TRIL: variants seen among roughly 807,000 people sequenced by gnomAD.
The protein encoded by TRIL is TLR4 interactor with leucine rich repeats.
A neutral mutation model predicts 43.0 loss-of-function variants in TRIL; 23 were observed. That is an observed-to-expected ratio of 0.54 (90% CI 0.39 to 0.76). TRIL has a LOEUF of 0.76. Among genes scored for constraint, TRIL ranks in the 30% least tolerant of loss-of-function variants. The probability of loss-of-function intolerance (pLI) is 0.00; values close to 1 mark genes in which losing one functional copy is unlikely to be tolerated. For missense variants in TRIL, 1,114 were observed against 1,139.3 expected, an observed-to-expected ratio of 0.98 and a Z score of 0.32; for synonymous variants, 602 against 556.8, an observed-to-expected ratio of 1.08 and a Z score of -1.14.
Position 28,956,904 on chromosome 7 carries a change from G to A in TRIL, c.1143C>T (p.Gly381=). Reference sequence around the variant, plus strand: ...ACTGCACGAAGACAGTGAGGAGCCGGCCCTGCGAGTGCCAGTCGCCCATCC... The same window carrying A: ...ACTGCACGAAGACAGTGAGGAGCCGACCCTGCGAGTGCCAGTCGCCCATCC... ...KRWMGDWHSQ[G]RLLTVFVQCR... is the part of the protein sequence containing the mutation. Residue 381 remains glycine (G), a synonymous_variant, in exon 1 of 1, where the codon GGC becomes GGT. Transcript: ENST00000539664. 2 of 1,607,888 alleles carry A rather than the reference G, an allele frequency of 1.2e-6. No homozygotes were observed. The highest frequency in any genetic ancestry group is 1.7e-6 in the Non-Finnish European group (2 of 1,177,766).
At position 28,955,451 on chromosome 7, in the gene TRIL, C is replaced by T; in HGVS notation, c.*160G>A. 1 of 1,087,652 alleles carries T rather than the reference C, an allele frequency of 9.2e-7. No individual in the cohort carries two copies. The allele number at this position is 1,087,652 out of a possible 1,614,324, so 67.4% of individuals were successfully genotyped here. A position where few individuals can be genotyped will look rare whatever the true frequency, so the allele number is the denominator to read the frequency against. The stretch of plus-strand genomic sequence containing the variant: ...CACCAAGTACCATCCATTTACTTCT[C>T]GAGTATTGGGAATTGGGGGATGGTG... On this transcript the variant is annotated 3_prime_UTR_variant, in exon 1 of 1. Coordinates refer to ENST00000539664, the MANE Select transcript of TRIL (RefSeq NM_014817.4).
At position 28,956,245 on chromosome 7, in the gene TRIL, G is replaced by C. The variant is rs774043822; in HGVS notation, c.1802C>G (p.Ser601Trp). 2.3e-5 allele frequency: 35 copies of C among 1,549,040 alleles called. No individual in the cohort carries two copies. The highest frequency in any genetic ancestry group is 2.8e-5 in the Non-Finnish European group (32 of 1,149,920). ...GTGCTCGCGCACGGCCCAGCGCACC[G>C]AGGCGCTGTCTGCGCCCACCGCCTC... ...TVEAVGADSASVRWAVREHRS... is the reference protein window; with the variant it reads ...TVEAVGADSAWVRWAVREHRS... Residue 601 changes from serine (S) to tryptophan (W), a missense_variant, in exon 1 of 1, where the codon TCG (serine) becomes TGG (tryptophan). Ser to Trp is a radical substitution (Grantham distance 177). Coordinates refer to ENST00000539664, the MANE Select transcript of TRIL (RefSeq NM_014817.4).
rs1203907560 is a variant in TRIL at position 28,957,344 on chromosome 7, T to TGAGG, written c.699_702dup (p.Ile235ProfsTer38). The TGAGG allele has an allele frequency of 6.2e-7, 1 of 1,612,292 alleles. No homozygotes were observed. Among genetic ancestry groups the TGAGG allele is most frequent in the East Asian group, 2.2e-5 (1 of 44,848 alleles). ...TGCTGCAGGTTGTTGGCCGAGAGGA[T>TGAGG]GAGGGAGGAGAGGGAGCGCAGCGGT... On this transcript the variant is annotated frameshift_variant, in exon 1 of 1. Transcript: ENST00000539664. LOFTEE classifies it high-confidence loss of function.
At position 28,955,657 on chromosome 7, in the gene TRIL, C is replaced by T; in HGVS notation, c.2390G>A (p.Gly797Asp). ...GAGACGGTCCTCCCGTCTCAGGCTG[C>T]CGCCCGCGCCGCCGCCCGCACTGTC... Reference protein sequence around the residue: ...FMDSAGGGAGGSLRREDRLLQ... With the variant: ...FMDSAGGGAGDSLRREDRLLQ... Residue 797 changes from glycine (G) to aspartate (D), a missense_variant, in exon 1 of 1, where the codon GGC (glycine) becomes GAC (aspartate). Gly to Asp is a moderately conservative substitution (Grantham distance 94). Coordinates refer to ENST00000539664, the MANE Select transcript of TRIL (RefSeq NM_014817.4). 1 of 1,546,864 alleles carries T rather than the reference C, an allele frequency of 6.5e-7. No individual in the cohort carries two copies. The highest frequency in any genetic ancestry group is 1.4e-5 in the African/African-American group (1 of 73,156).
chr7:28,956,773 G>C lies in TRIL; in HGVS notation c.1274C>G (p.Ala425Gly), dbSNP rs758361189. 1.2e-6 allele frequency: 2 copies of C among 1,609,510 alleles called. No individual in the cohort carries two copies. The highest frequency in any genetic ancestry group is 3.3e-5 in the Admixed American group (2 of 59,988). ...ADPSPSASLT[A>G]DRRRQPLPTA... The stretch of plus-strand genomic sequence containing the variant: ...GGGTAGGGGCTGCCGCCTGCGGTCA[G>C]CGGTCAGGGAAGCTGAGGGCGAGGG... Residue 425 changes from alanine to glycine, a missense_variant, in exon 1 of 1, where the codon GCT becomes GGT. By Grantham distance (60) the Ala-to-Gly change is moderately conservative. Coordinates refer to ENST00000539664, the MANE Select transcript of TRIL (RefSeq NM_014817.4).
In TRIL at chr7:28,956,167, A is replaced by C. The variant is rs762488202; in HGVS notation, c.1880T>G (p.Phe627Cys). The C allele has an allele frequency of 3.2e-6, 5 of 1,575,082 alleles. No individual in the cohort carries two copies. The highest frequency in any genetic ancestry group is 4.3e-6 in the Non-Finnish European group (5 of 1,161,768). The change falls in exon 1 of 1, where the codon TTT becomes TGT. Residue 627 changes from phenylalanine to cysteine, a missense_variant. Coordinates refer to ENST00000539664, the MANE Select transcript of TRIL (RefSeq NM_014817.4). ...GARFRLLFDRFGQQPKFHRFV... is the reference protein window; with the variant it reads ...GARFRLLFDRCGQQPKFHRFV... ...GCGGTGGAACTTGGGCTGCTGGCCA[A>C]AGCGGTCAAAGAGCAGGCGGAAGCG...
In TRIL at chr7:28,957,661, G is replaced by C; in HGVS notation, c.386C>G (p.Pro129Arg). ...LQALAPGTLA[P>R]LRKLRILYAN... The stretch of plus-strand genomic sequence containing the variant: ...GTAGAGGATGCGCAGCTTGCGCAGC[G>C]GGGCCAGCGTGCCCGGGGCGAGCGC... Residue 129 changes from proline (P) to arginine (R), a missense_variant, in exon 1 of 1, where the codon CCG (proline) becomes CGG (arginine). Physicochemically the swap from Pro to Arg is moderately radical, Grantham distance 103. Coordinates refer to ENST00000539664, the MANE Select transcript of TRIL (RefSeq NM_014817.4). 1 of 1,609,516 alleles carries C rather than the reference G, an allele frequency of 6.2e-7. No homozygotes were observed. The highest frequency in any genetic ancestry group is 8.5e-7 in the Non-Finnish European group (1 of 1,178,140).
At position 28,956,771 on chromosome 7, in the gene TRIL, C is replaced by T. The variant is rs1291714367; in HGVS notation, c.1276G>A (p.Asp426Asn). 9 of 1,609,096 alleles carry T rather than the reference C, an allele frequency of 5.6e-6. No individual in the cohort carries two copies. The highest frequency in any genetic ancestry group is 7.6e-6 in the Non-Finnish European group (9 of 1,179,360). ...DPSPSASLTA[D>N]RRRQPLPTAA... ...GTGGGTAGGGGCTGCCGCCTGCGGT[C>T]AGCGGTCAGGGAAGCTGAGGGCGAG... is the stretch of plus-strand genomic sequence containing the variant. Residue 426 changes from aspartate (D) to asparagine (N), a missense_variant, in exon 1 of 1, where the codon GAC becomes AAC. Physicochemically the swap from Asp to Asn is conservative, Grantham distance 23 (BLOSUM62 1). Coordinates refer to ENST00000539664, the MANE Select transcript of TRIL (RefSeq NM_014817.4).
At position 28,955,124 on chromosome 7, in the gene TRIL, C is replaced by A. The variant is rs1171911779; in HGVS notation, c.*487G>T. Reference sequence around the variant, plus strand: ...GTTAAACTTTACCACCTGTTTACATCCCCCTTCTTGGCAGAGATCACCAAA... The same window carrying A: ...GTTAAACTTTACCACCTGTTTACATACCCCTTCTTGGCAGAGATCACCAAA... On this transcript the variant is annotated 3_prime_UTR_variant, in exon 1 of 1. Coordinates refer to ENST00000539664, the MANE Select transcript of TRIL (RefSeq NM_014817.4). The A allele has an allele frequency of 6.4e-6, 1 of 157,362 alleles. No individual in the cohort carries two copies. Among genetic ancestry groups the A allele is most frequent in the African/African-American group, 2.4e-5 (1 of 41,702 alleles). The allele number at this position is 157,362 out of a possible 1,614,324, so 9.7% of individuals were successfully genotyped here.
Position 28,956,040 on chromosome 7 carries a change from G to A in TRIL, c.2007C>T (p.Val669=), listed in dbSNP as rs756525321. The A allele has an allele frequency of 6.5e-7, 1 of 1,550,092 alleles. No homozygotes were observed. The highest frequency in any genetic ancestry group is 1.2e-5 in the South Asian group (1 of 84,584). The change falls in exon 1 of 1, where the codon GTC becomes GTT. Residue 669 remains valine, a synonymous_variant. Transcript: ENST00000539664. ...AGTGGTCCCGGGGAGCCACAGGGCAGACACGGCCCCCAAGCACGCCCTCCA... is the reference window on the plus strand; with the variant it reads ...AGTGGTCCCGGGGAGCCACAGGGCAAACACGGCCCCCAAGCACGCCCTCCA... ...VCVEGVLGGR[V]CPVAPRDHCA...
At position 28,955,885 on chromosome 7, in the gene TRIL, C is replaced by G. The variant is rs1380528605; in HGVS notation, c.2162G>C (p.Trp721Ser). ...CCTAGCCCGCAGTTTCCTACGCAGCCAGCGAGACGCCCAGGCCGCCAAGGC... is the reference window on the plus strand; with the variant it reads ...CCTAGCCCGCAGTTTCCTACGCAGCGAGCGAGACGCCCAGGCCGCCAAGGC... ...LLALAAWASR[W>S]LRRKLRARRK... Residue 721 changes from tryptophan (W) to serine (S), a missense_variant, in exon 1 of 1, where the codon TGG becomes TCG. Trp to Ser is a radical substitution (Grantham distance 177). Coordinates refer to ENST00000539664, the MANE Select transcript of TRIL (RefSeq NM_014817.4). 4 of 1,550,258 alleles carry G rather than the reference C, an allele frequency of 2.6e-6. No individual in the cohort carries two copies.
In TRIL at chr7:28,957,676, G is replaced by C. The variant is rs370448409; in HGVS notation, c.371C>G (p.Pro124Arg). The change falls in exon 1 of 1, where the codon CCG (proline) becomes CGG (arginine). Residue 124 changes from proline (P) to arginine (R), a missense_variant. Transcript: ENST00000539664. The part of the protein sequence containing the change: ...LGNNLLQALA[P>R]GTLAPLRKLR... ...CTTGCGCAGCGGGGCCAGCGTGCCC[G>C]GGGCGAGCGCCTGCAAGAGGTTGTT... The C allele has an allele frequency of 1.9e-5, 31 of 1,608,378 alleles. No homozygotes were observed. Among genetic ancestry groups the C allele is most frequent in the Non-Finnish European group, 2.4e-5 (28 of 1,177,682 alleles).
At position 28,956,863 on chromosome 7, in the gene TRIL, G is replaced by C; in HGVS notation, c.1184C>G (p.Ala395Gly). ...GTAATCCAGGTATTTGCCTCGCAGG[G>C]CCGGGGGGTGGCGACACTGCACGAA... is the stretch of plus-strand genomic sequence containing the variant. ...TVFVQCRHPP[A>G]LRGKYLDYLD... Residue 395 changes from alanine to glycine, a missense_variant, in exon 1 of 1, where the codon GCC becomes GGC. Transcript: ENST00000539664. The C allele has an allele frequency of 6.2e-7, 1 of 1,607,888 alleles. No homozygotes were observed. The highest frequency in any genetic ancestry group is 8.5e-7 in the Non-Finnish European group (1 of 1,176,168).
rs1783380458 is a variant in TRIL at position 28,955,323 on chromosome 7, T to G, written c.*288A>C. 1 of 428,128 alleles carries G rather than the reference T, an allele frequency of 2.3e-6. No individual in the cohort carries two copies. The highest frequency in any genetic ancestry group is 7.5e-5 in the South Asian group (1 of 13,298). 26.5% of individuals were successfully genotyped at this position (428,128 alleles called of 1,614,324 possible). A position where few individuals can be genotyped will look rare whatever the true frequency, so the allele number is the denominator to read the frequency against. ...TACCCCCAAAGCCTGGCTTCTGCAT[T>G]GCAGTGCTACAAAAGCCATTCGCAT... On this transcript the variant is annotated 3_prime_UTR_variant, in exon 1 of 1. Coordinates refer to ENST00000539664, the MANE Select transcript of TRIL (RefSeq NM_014817.4).
Position 28,956,379 on chromosome 7 carries a change from G to A in TRIL, c.1668C>T (p.Gly556=). Reference sequence around the variant, plus strand: ...GGGCGGCACGCTCCTGGTGCTCCGTGCCCAGACGATGCTTCGTCGCGCGCT... The same window carrying A: ...GGGCGGCACGCTCCTGGTGCTCCGTACCCAGACGATGCTTCGTCGCGCGCT... The part of the protein sequence containing the change: ...PWQRATKHRL[G]TEHQERAAQS... The change falls in exon 1 of 1, where the codon GGC becomes GGT. Residue 556 remains glycine, a synonymous_variant. Coordinates refer to ENST00000539664, the MANE Select transcript of TRIL (RefSeq NM_014817.4). The A allele has an allele frequency of 2.0e-6, 3 of 1,534,864 alleles. No homozygotes were observed. Among genetic ancestry groups the A allele is most frequent in the Non-Finnish European group, 2.6e-6 (3 of 1,146,560 alleles).
At position 28,956,046 on chromosome 7, in the gene TRIL, G is replaced by A. The variant is rs1247452583; in HGVS notation, c.2001C>T (p.Gly667=). 2.6e-6 allele frequency: 4 copies of A among 1,550,090 alleles called. No individual in the cohort carries two copies. Among genetic ancestry groups the A allele is most frequent in the South Asian group, 1.2e-5 (1 of 84,578 alleles). The change falls in exon 1 of 1, where the codon GGC becomes GGT. Residue 667 remains glycine (G), a synonymous_variant. Coordinates refer to ENST00000539664, the MANE Select transcript of TRIL (RefSeq NM_014817.4). The part of the protein sequence containing the change: ...YLVCVEGVLG[G]RVCPVAPRDH... The stretch of plus-strand genomic sequence containing the variant: ...CCCGGGGAGCCACAGGGCAGACACG[G>A]CCCCCAAGCACGCCCTCCACGCACA...
Position 28,955,895 on chromosome 7 carries a change from C to T in TRIL, c.2152G>A (p.Ala718Thr). 1 of 1,551,030 alleles carries T rather than the reference C, an allele frequency of 6.4e-7. No homozygotes were observed. Among genetic ancestry groups the T allele is most frequent in the Non-Finnish European group, 8.7e-7 (1 of 1,148,336 alleles). ...AGTTTCCTACGCAGCCAGCGAGACGCCCAGGCCGCCAAGGCCAGGAGCACC... is the reference window on the plus strand; with the variant it reads ...AGTTTCCTACGCAGCCAGCGAGACGTCCAGGCCGCCAAGGCCAGGAGCACC... ...LLVLLALAAW[A>T]SRWLRRKLRA... The change falls in exon 1 of 1, where the codon GCG becomes ACG. Residue 718 changes from alanine to threonine, a missense_variant. Physicochemically the swap from Ala to Thr is moderately conservative, Grantham distance 58. Transcript: ENST00000539664.
chr7:28,955,370 C>G lies in TRIL; in HGVS notation c.*241G>C. Reference sequence around the variant, plus strand: ...GCATAGCTGTGTCAAAGCCTCCAAGCGAAGCCTCCGACCTCAGCATCCCAC... The same window carrying G: ...GCATAGCTGTGTCAAAGCCTCCAAGGGAAGCCTCCGACCTCAGCATCCCAC... On this transcript the variant is annotated 3_prime_UTR_variant, in exon 1 of 1. Transcript: ENST00000539664. The G allele has an allele frequency of 1.8e-6, 1 of 563,486 alleles. No individual in the cohort carries two copies. Among genetic ancestry groups the G allele is most frequent in the Non-Finnish European group, 2.9e-6 (1 of 340,196 alleles). 34.9% of individuals were successfully genotyped at this position (563,486 alleles called of 1,614,324 possible). A position where few individuals can be genotyped will look rare whatever the true frequency, so the allele number is the denominator to read the frequency against.
rs565530227 is a variant in TRIL, at chr7:28,953,599, A to T, written c.*2012T>A. The stretch of plus-strand genomic sequence containing the variant: ...AAAAGAAATAGCTAGGAGATGCAAT[A>T]GTGCTATGATTGAAAAAAGCCAGGA... On this transcript the variant is annotated 3_prime_UTR_variant, in exon 1 of 1. Coordinates refer to ENST00000539664, the MANE Select transcript of TRIL (RefSeq NM_014817.4). The T allele has an allele frequency of 6.6e-6, 1 of 152,374 alleles. No homozygotes were observed. The highest frequency in any genetic ancestry group is 2.1e-4 in the South Asian group (1 of 4,828). The allele number at this position is 152,374 out of a possible 1,614,324, so 9.4% of individuals were successfully genotyped here.
Sources: gnomAD v4.1 joint callset for allele counts on GRCh38, gnomAD v4.1.1 for gene constraint, MANE v1.5 for transcripts, NCBI Gene and HGNC (gene_info 2026-07-23, HGNC 2026-07-21) for gene names.